The following C12orf42 variants were observed in gnomAD, a reference collection of about 807,000 sequenced individuals.
The protein encoded by C12orf42 is uncharacterized protein C12orf42.
C12orf42 carries 25 observed loss-of-function variants against 21.6 expected under a neutral mutation model. The ratio of observed to expected loss-of-function variants is 1.16; its 90% CI spans 0.84 to 1.62. The LOEUF (loss-of-function observed/expected upper bound fraction) is 1.62. Ranked by LOEUF, C12orf42 falls within the 40% of genes most tolerant of loss-of-function variation. C12orf42 has a pLI of 0.00. For synonymous variants in C12orf42, 174 were observed against 175.0 expected, an observed-to-expected ratio of 0.99 and a Z score of 0.05; for missense variants, 483 against 459.3, an observed-to-expected ratio of 1.05 and a Z score of -0.47.
At chr12:103,177,902 T>C in the C12orf42 span, among the ~76,000 whole-genome samples, 11 of 151,988 alleles carry the variant, frequency 7.2e-5, 1 homozygote, top group Admixed American at 6.6e-4. Context: ...AGTGCATCTC[T>C]TAGCCTCACG....
At position 103,351,005 on chromosome 12, in the gene C12orf42, A is replaced by C. The variant is rs150656240; in HGVS notation, c.259+17882T>G. ...GTCAGTTTCACAGGAAGTTACTTCAAGTTTACCTTCCTTATAGTCCCTTTC... is the reference window on the plus strand; with the variant it reads ...GTCAGTTTCACAGGAAGTTACTTCACGTTTACCTTCCTTATAGTCCCTTTC... On this transcript the variant is annotated intron_variant, in intron 4 of 5. Transcript: ENST00000548883. Among the ~76,000 whole-genome samples, 1,339 of 152,262 alleles carry C rather than the reference A, an allele frequency of 8.8e-3. 11 individuals carry two copies. Among genetic ancestry groups the C allele is most frequent in the Non-Finnish European group, 0.014 (929 of 68,014 alleles).
chr12:103,365,678 A>T (rs977242097), intron 4 of C12orf42, among the ~76,000 whole-genome samples: 2 of 152,096 alleles, frequency 1.3e-5, no homozygotes, highest in Non-Finnish European at 2.9e-5. Flanking sequence ...GCTAAACACC[A>T]ATAGTGACCA....
the C12orf42 span, among the ~76,000 whole-genome samples, chr12:103,110,490 A>G: frequency 2.0e-5 from 3 of 152,234 alleles, no homozygotes; most frequent in Non-Finnish European, 4.4e-5. Flanking sequence ...GATCCATTTC[A>G]TTTAAAACAA....
At chr12:103,560,682 G>T in the C12orf42 span, among the ~76,000 whole-genome samples, 9 of 152,162 alleles carry the variant, frequency 5.9e-5, no homozygotes, top group Admixed American at 3.3e-4. Context: ...GACAAGCAAT[G>T]GTTGAATACA....
intron 4 of C12orf42, among the ~76,000 whole-genome samples, chr12:103,314,548 A>G (rs1413824814): frequency 6.6e-6 from 1 of 152,198 alleles, no homozygotes; most frequent in African/African-American, 2.4e-5. Flanking sequence ...GAGAGAACCT[A>G]TATTTTAGTG....
At chr12:103,518,195 T>C in the C12orf42 span, among the ~76,000 whole-genome samples, 4 of 152,236 alleles carry the variant, frequency 2.6e-5, no homozygotes, top group African/African-American at 9.6e-5. Context: ...GTCAGAGTTC[T>C]TGGTTGCAAA....
downstream of C12orf42, among the ~76,000 whole-genome samples, chr12:103,300,273 T>C (rs1164513546): frequency 6.6e-6 from 1 of 152,204 alleles, no homozygotes; most frequent in African/African-American, 2.4e-5. Flanking sequence ...TTATCAGATT[T>C]TTTTTATTAT....
chr12:103,549,334 G>A, the C12orf42 span, among the ~76,000 whole-genome samples: 8 of 152,240 alleles, frequency 5.3e-5, no homozygotes, highest in East Asian at 5.8e-4. Flanking sequence ...GGTCCCATGC[G>A]TGTCTCAGAC....
the C12orf42 span, among the ~76,000 whole-genome samples, chr12:103,096,262 AT>A: frequency 9.2e-5 from 14 of 152,308 alleles, no homozygotes; most frequent in Admixed American, 2.6e-4. Flanking sequence ...ACAAGCACAC[AT>A]TTTTTGTTAG....
At chr12:103,080,398 T>C in the C12orf42 span, among the ~76,000 whole-genome samples, 3 of 152,166 alleles carry the variant, frequency 2.0e-5, no homozygotes, top group Non-Finnish European at 2.9e-5. Context: ...AACTAAACCA[T>C]TGTATTTAAA....
intron 4 of C12orf42, among the ~76,000 whole-genome samples, chr12:103,286,176 G>A (rs539596114): frequency 2.6e-5 from 4 of 152,020 alleles, no homozygotes; most frequent in South Asian, 4.1e-4. Context: ...GCATGAACCC[G>A]GGAGGCGGAG....
the C12orf42 span, among the ~76,000 whole-genome samples, chr12:103,223,018 CTTTA>C: frequency 2.1e-4 from 32 of 151,944 alleles, no homozygotes; most frequent in African/African-American, 7.0e-4. Context: ...TCATTGATTT[CTTTA>C]TTCATTCATT....
the C12orf42 span, among the ~76,000 whole-genome samples, chr12:103,522,055 G>A: frequency 1.3e-5 from 2 of 152,166 alleles, no homozygotes; most frequent in South Asian, 2.1e-4. Flanking sequence ...ATATGGTTTG[G>A]CTGTGTCCCC....
At chr12:103,259,545 C>T (rs2034787049) in intron 10 of C12orf42, among the ~76,000 whole-genome samples, 1 of 152,206 alleles carries the variant, frequency 6.6e-6, no homozygotes, top group Non-Finnish European at 1.5e-5. Context: ...TCCCAAAGTG[C>T]TGGGATTACA....
chr12:103,246,111 T>G (rs924689231), intron 10 of C12orf42, among the ~76,000 whole-genome samples: 1 of 152,140 alleles, frequency 6.6e-6, no homozygotes, highest in African/African-American at 2.4e-5. Flanking sequence ...CCAATTATTA[T>G]GAGTTATCAC....
At chr12:103,506,475 A>G in the C12orf42 span, among the ~76,000 whole-genome samples, 15 of 152,114 alleles carry the variant, frequency 9.9e-5, no homozygotes, top group Admixed American at 7.2e-4. Flanking sequence ...ATATCTTATC[A>G]TAATTTTACT....
the C12orf42 span, among the ~76,000 whole-genome samples, chr12:103,211,194 CT>C: frequency 1.3e-5 from 2 of 152,094 alleles, no homozygotes; most frequent in African/African-American, 2.4e-5. Context: ...ATACAGAAAG[CT>C]TTTTTGTGCA....
At chr12:103,359,702 T>G (rs1221183056) in intron 4 of C12orf42, among the ~76,000 whole-genome samples, 5 of 152,038 alleles carry the variant, frequency 3.3e-5, no homozygotes, top group African/African-American at 1.2e-4. Context: ...TTCATAGCTT[T>G]CATTATAATC....
intron 4 of C12orf42, among the ~76,000 whole-genome samples, chr12:103,350,692 C>T (rs2043034225): frequency 6.6e-6 from 1 of 152,072 alleles, no homozygotes; most frequent in African/African-American, 2.4e-5. Context: ...TTTTCAGTCC[C>T]ACCTTCTACT....
Sources: gnomAD v4.1 joint callset for allele counts (sites outside exome capture counted in the v4.1 genomes callset) on GRCh38, gnomAD v4.1.1 for gene constraint, MANE v1.5 for transcripts, NCBI Gene and HGNC (gene_info 2026-07-23, HGNC 2026-07-21) for gene names.